C10orf95: variants seen among roughly 807,000 people sequenced by gnomAD.
The protein encoded by C10orf95 is uncharacterized protein C10orf95.
For synonymous variants in C10orf95, 188 were observed against 160.4 expected (o/e 1.17, Z -1.30); for missense variants, 412 against 327.4 (o/e 1.26, Z -1.99).
chr10:102,450,966 C>G lies in C10orf95; in HGVS notation c.128G>C (p.Arg43Pro). ...PPVQAHSFRS[R>P]PGSLHAGEWA... ...CTCGCCCGCATGCAGGCTCCCGGGC[C>G]GGCTGCGGAAGCTGTGGGCCTGGAC... Residue 43 changes from arginine (R) to proline (P), a missense_variant, in exon 2 of 2, where the codon CGG (arginine) becomes CCG (proline). Transcript: ENST00000625129. 3.1e-6 allele frequency: 4 copies of G among 1,289,008 alleles called. No individual in the cohort carries two copies. Among genetic ancestry groups the G allele is most frequent in the Non-Finnish European group, 3.9e-6 (4 of 1,017,744 alleles). 79.8% of individuals were successfully genotyped at this position (1,289,008 alleles called of 1,614,324 possible). A position where few individuals can be genotyped will look rare whatever the true frequency, so the allele number is the denominator to read the frequency against.
At position 102,451,521 on chromosome 10, in the gene C10orf95, C is replaced by T. The variant is rs755713539; in HGVS notation, c.-190G>A. 7.5e-5 allele frequency: 101 copies of T among 1,341,678 alleles called. No homozygotes were observed. Among genetic ancestry groups the T allele is most frequent in the Non-Finnish European group, 8.9e-5 (90 of 1,015,848 alleles). 83.1% of individuals were successfully genotyped at this position (1,341,678 alleles called of 1,614,324 possible). On this transcript the variant is annotated 5_prime_UTR_variant, in exon 1 of 2. Coordinates refer to ENST00000625129, the MANE Select transcript of C10orf95 (RefSeq NM_001363580.1). ...ACCAGGCAAAAGGAAACACCTTGAG[C>T]TGGCCAGGAGCTACCAGCGTCTGTC...
At position 102,450,423 on chromosome 10, in the gene C10orf95, C is replaced by T. The variant is rs1289324527; in HGVS notation, c.*29G>A. ...CAGGAAAGAGCCAAGCGCGTGCACG[C>T]GGGCCCGCCCCTAGGCCTTGCGGCG... On this transcript the variant is annotated 3_prime_UTR_variant, in exon 2 of 2. Transcript: ENST00000625129. 3 of 1,527,544 alleles carry T rather than the reference C, an allele frequency of 2.0e-6. No homozygotes were observed. Among genetic ancestry groups the T allele is most frequent in the Non-Finnish European group, 2.6e-6 (3 of 1,141,126 alleles). The allele number at this position is 1,527,544 out of a possible 1,614,324, so 94.6% of individuals were successfully genotyped here.
chr10:102,450,204 G>A lies in C10orf95; in HGVS notation c.*248C>T, dbSNP rs904713287. 4 of 640,354 alleles carry A rather than the reference G, an allele frequency of 6.2e-6. No individual in the cohort carries two copies. 39.7% of individuals were successfully genotyped at this position (640,354 alleles called of 1,614,324 possible). ...TTCCCAAGGTGCAAGAAGAAAAGAGGTACAGAACACCCAGAGGTGCCCTCG... is the reference window on the plus strand; with the variant it reads ...TTCCCAAGGTGCAAGAAGAAAAGAGATACAGAACACCCAGAGGTGCCCTCG... On this transcript the variant is annotated 3_prime_UTR_variant, in exon 2 of 2. Transcript: ENST00000625129.
Position 102,450,741 on chromosome 10 carries a change from A to C in C10orf95, c.353T>G (p.Leu118Arg). The change falls in exon 2 of 2, where the codon CTG (leucine) becomes CGG (arginine). Residue 118 changes from leucine (L) to arginine (R), a missense_variant. Transcript: ENST00000625129. ...SWAPWPEGGS[L>R]QTELRWGRVE... is the part of the protein sequence containing the mutation. Reference sequence around the variant, plus strand: ...GCGGCCCCAGCGCAGCTCGGTTTGCAGGCTCCCGCCCTCCGGCCACGGCGC... The same window carrying C: ...GCGGCCCCAGCGCAGCTCGGTTTGCCGGCTCCCGCCCTCCGGCCACGGCGC... 2 of 1,317,402 alleles carry C rather than the reference A, an allele frequency of 1.5e-6. No homozygotes were observed. The highest frequency in any genetic ancestry group is 1.9e-6 in the Non-Finnish European group (2 of 1,028,952). 81.6% of individuals were successfully genotyped at this position (1,317,402 alleles called of 1,614,324 possible).
chr10:102,450,986 C>G lies in C10orf95; in HGVS notation c.108G>C (p.Gln36His), dbSNP rs189174307. Residue 36 changes from glutamine to histidine, a missense_variant, in exon 2 of 2, where the codon CAG (glutamine) becomes CAC (histidine). Transcript: ENST00000625129. ...LAAPLLLPPV[Q>H]AHSFRSRPGS... ...CGGGCCGGCTGCGGAAGCTGTGGGC[C>G]TGGACTGGGGGTAGCAGCAGAGGGG... 2.3e-6 allele frequency: 3 copies of G among 1,305,714 alleles called. No individual in the cohort carries two copies. The highest frequency in any genetic ancestry group is 2.9e-6 in the Non-Finnish European group (3 of 1,025,800). The allele number at this position is 1,305,714 out of a possible 1,614,324, so 80.9% of individuals were successfully genotyped here.
rs1437269930 is a variant in C10orf95 at position 102,450,507 on chromosome 10, G to C, written c.587C>G (p.Pro196Arg). 1.4e-6 allele frequency: 2 copies of C among 1,421,784 alleles called. No homozygotes were observed. Among genetic ancestry groups the C allele is most frequent in the Non-Finnish European group, 1.8e-6 (2 of 1,095,504 alleles). The allele number at this position is 1,421,784 out of a possible 1,614,324, so 88.1% of individuals were successfully genotyped here. Residue 196 changes from proline to arginine, a missense_variant, in exon 2 of 2, where the codon CCA becomes CGA. By Grantham distance (103) the Pro-to-Arg change is moderately radical (BLOSUM62 -2). Transcript: ENST00000625129. Reference sequence around the variant, plus strand: ...GCCGCGCTCCGCGGCTTCCCGGGCTGGGCTGCTGTCGCCGCTGTCGGGCCG... The same window carrying C: ...GCCGCGCTCCGCGGCTTCCCGGGCTCGGCTGCTGTCGCCGCTGTCGGGCCG... ...RRRPDSGDSS[P>R]AREAAERGRP...
intron 1 of C10orf95, 67 bp from the exon 2 acceptor site, chr10:102,451,214 T>C: frequency 6.9e-7 from 1 of 1,448,338 alleles, no homozygotes; most frequent in Admixed American, 2.6e-5. Context: ...TGTGGGCCGG[T>C]TCCCCGGGAC....
chr10:102,451,043 C>G lies in C10orf95; in HGVS notation c.51G>C (p.Pro17=), dbSNP rs760627889. ...GGTAGGTGCAGGTGAGCAGCTGCGGCGGCGGCGGCCAGACGCCCTGTTTGG... is the reference window on the plus strand; with the variant it reads ...GGTAGGTGCAGGTGAGCAGCTGCGGGGGCGGCGGCCAGACGCCCTGTTTGG... ...PPPKQGVWPP[P]PQLLTCTYLA... The change falls in exon 2 of 2, where the codon CCG becomes CCC. Residue 17 remains proline, a synonymous_variant. Transcript: ENST00000625129. The G allele has an allele frequency of 2.9e-6, 4 of 1,358,498 alleles. No individual in the cohort carries two copies. The highest frequency in any genetic ancestry group is 2.7e-5 in the East Asian group (1 of 36,912). The allele number at this position is 1,358,498 out of a possible 1,614,324, so 84.2% of individuals were successfully genotyped here.
Position 102,450,377 on chromosome 10 carries a change from G to A in C10orf95, c.*75C>T. 2 of 1,455,228 alleles carry A rather than the reference G, an allele frequency of 1.4e-6. No homozygotes were observed. The highest frequency in any genetic ancestry group is 1.9e-6 in the Non-Finnish European group (2 of 1,077,150). The allele number at this position is 1,455,228 out of a possible 1,614,324, so 90.1% of individuals were successfully genotyped here. On this transcript the variant is annotated 3_prime_UTR_variant, in exon 2 of 2. Coordinates refer to ENST00000625129, the MANE Select transcript of C10orf95 (RefSeq NM_001363580.1). Reference sequence around the variant, plus strand: ...CGCGCACAGGTGAGGGCTCACTTCTGCCTGTCGGCGGCGGCACACACAGGA... The same window carrying A: ...CGCGCACAGGTGAGGGCTCACTTCTACCTGTCGGCGGCGGCACACACAGGA...
Position 102,450,238 on chromosome 10 carries a change from T to C in C10orf95, c.*214A>G. 1.5e-6 allele frequency: 1 copy of C among 688,798 alleles called. No individual in the cohort carries two copies. Among genetic ancestry groups the C allele is most frequent in the Non-Finnish European group, 2.6e-6 (1 of 379,350 alleles). 42.7% of individuals were successfully genotyped at this position (688,798 alleles called of 1,614,324 possible). A position where few individuals can be genotyped will look rare whatever the true frequency, so the allele number is the denominator to read the frequency against. ...ACCCAGAGGTGCCCTCGATTCCGTC[T>C]TGCACTTGCCCTTCTCCCACCGTCC... On this transcript the variant is annotated 3_prime_UTR_variant, in exon 2 of 2. Coordinates refer to ENST00000625129, the MANE Select transcript of C10orf95 (RefSeq NM_001363580.1).
chr10:102,450,494 G>C lies in C10orf95; in HGVS notation c.600C>G (p.Ala200=), dbSNP rs2061684451. ...TCTTCCTGGGGCGGCCGCGCTCCGCGGCTTCCCGGGCTGGGCTGCTGTCGC... is the reference window on the plus strand; with the variant it reads ...TCTTCCTGGGGCGGCCGCGCTCCGCCGCTTCCCGGGCTGGGCTGCTGTCGC... The part of the protein sequence containing the change: ...DSGDSSPARE[A]AERGRPRKSK... The change falls in exon 2 of 2, where the codon GCC becomes GCG. Residue 200 remains alanine, a synonymous_variant. Coordinates refer to ENST00000625129, the MANE Select transcript of C10orf95 (RefSeq NM_001363580.1). The C allele has an allele frequency of 1.4e-6, 2 of 1,445,696 alleles. No homozygotes were observed. The highest frequency in any genetic ancestry group is 1.8e-6 in the Non-Finnish European group (2 of 1,106,252). The allele number at this position is 1,445,696 out of a possible 1,614,324, so 89.6% of individuals were successfully genotyped here.
Position 102,450,765 on chromosome 10 carries a change from G to T in C10orf95, c.329C>A (p.Ala110Glu). ...CAGGCTCCCGCCCTCCGGCCACGGC[G>T]CCCAGCTCTCGGCCACCGCCGCGGG... ...QAPAAVAESW[A>E]PWPEGGSLQT... The change falls in exon 2 of 2, where the codon GCG becomes GAG. Residue 110 changes from alanine (A) to glutamate (E), a missense_variant. Coordinates refer to ENST00000625129, the MANE Select transcript of C10orf95 (RefSeq NM_001363580.1). The T allele has an allele frequency of 7.7e-7, 1 of 1,304,260 alleles. No individual in the cohort carries two copies. 80.8% of individuals were successfully genotyped at this position (1,304,260 alleles called of 1,614,324 possible).
chr10:102,450,215 C>A lies in C10orf95; in HGVS notation c.*237G>T. 1.5e-6 allele frequency: 1 copy of A among 661,120 alleles called. No homozygotes were observed. The highest frequency in any genetic ancestry group is 2.8e-6 in the Non-Finnish European group (1 of 358,744). 41.0% of individuals were successfully genotyped at this position (661,120 alleles called of 1,614,324 possible). A position where few individuals can be genotyped will look rare whatever the true frequency, so the allele number is the denominator to read the frequency against. On this transcript the variant is annotated 3_prime_UTR_variant, in exon 2 of 2. Transcript: ENST00000625129. Reference sequence around the variant, plus strand: ...CAAGAAGAAAAGAGGTACAGAACACCCAGAGGTGCCCTCGATTCCGTCTTG... The same window carrying A: ...CAAGAAGAAAAGAGGTACAGAACACACAGAGGTGCCCTCGATTCCGTCTTG...
At position 102,450,798 on chromosome 10, in the gene C10orf95, A is replaced by G; in HGVS notation, c.296T>C (p.Leu99Pro). 2.4e-6 allele frequency: 3 copies of G among 1,268,092 alleles called. No individual in the cohort carries two copies. Among genetic ancestry groups the G allele is most frequent in the Non-Finnish European group, 3.0e-6 (3 of 1,011,628 alleles). 78.6% of individuals were successfully genotyped at this position (1,268,092 alleles called of 1,614,324 possible). The change falls in exon 2 of 2, where the codon CTG becomes CCG. Residue 99 changes from leucine (L) to proline (P), a missense_variant. Coordinates refer to ENST00000625129, the MANE Select transcript of C10orf95 (RefSeq NM_001363580.1). ...CAAAGISGLS[L>P]QAPAAVAESW... ...CTCGGCCACCGCCGCGGGCGCCTGC[A>G]GCGACAGTCCCGAGATGCCGGCGGC...
Position 102,450,619 on chromosome 10 carries a change from C to G in C10orf95, c.475G>C (p.Val159Leu). ...YGTYPRADVR[V>L]TQRRGQFLLQ... The stretch of plus-strand genomic sequence containing the variant: ...AGGAACTGGCCGCGGCGCTGGGTGA[C>G]GCGCACGTCGGCGCGGGGGTAGGTG... Residue 159 changes from valine (V) to leucine (L), a missense_variant, in exon 2 of 2, where the codon GTC (valine) becomes CTC (leucine). Val to Leu is a conservative substitution (Grantham distance 32). Coordinates refer to ENST00000625129, the MANE Select transcript of C10orf95 (RefSeq NM_001363580.1). 8.1e-7 allele frequency: 1 copy of G among 1,239,410 alleles called. No homozygotes were observed. The highest frequency in any genetic ancestry group is 1.0e-6 in the Non-Finnish European group (1 of 993,770). The allele number at this position is 1,239,410 out of a possible 1,614,324, so 76.8% of individuals were successfully genotyped here.
rs2061686674 is a variant in C10orf95 at position 102,450,707 on chromosome 10, G to A, written c.387C>T (p.Arg129=). The A allele has an allele frequency of 7.9e-7, 1 of 1,260,220 alleles. No homozygotes were observed. Among genetic ancestry groups the A allele is most frequent in the South Asian group, 2.6e-5 (1 of 39,134 alleles). 78.1% of individuals were successfully genotyped at this position (1,260,220 alleles called of 1,614,324 possible). ...QTELRWGRVE[R]ARGPPLQLPD... is the part of the protein sequence containing the mutation. Reference sequence around the variant, plus strand: ...GTAGCTGCAGAGGGGGGCCCCGCGCGCGCTCCACGCGGCCCCAGCGCAGCT... The same window carrying A: ...GTAGCTGCAGAGGGGGGCCCCGCGCACGCTCCACGCGGCCCCAGCGCAGCT... The change falls in exon 2 of 2, where the codon CGC becomes CGT. Residue 129 remains arginine (R), a synonymous_variant. Coordinates refer to ENST00000625129, the MANE Select transcript of C10orf95 (RefSeq NM_001363580.1).
Position 102,450,885 on chromosome 10 carries a change from G to T in C10orf95, c.209C>A (p.Ala70Asp). 1.6e-6 allele frequency: 2 copies of T among 1,234,150 alleles called. No individual in the cohort carries two copies. The highest frequency in any genetic ancestry group is 2.0e-6 in the Non-Finnish European group (2 of 989,498). 76.4% of individuals were successfully genotyped at this position (1,234,150 alleles called of 1,614,324 possible). Residue 70 changes from alanine to aspartate, a missense_variant, in exon 2 of 2, where the codon GCC becomes GAC. Ala to Asp is a moderately radical substitution (Grantham distance 126). Coordinates refer to ENST00000625129, the MANE Select transcript of C10orf95 (RefSeq NM_001363580.1). ...RFYGPAAPPE[A>D]APPWWACPPA... Reference sequence around the variant, plus strand: ...AGGGCAGGCCCACCAGGGCGGCGCGGCCTCGGGTGGCGCGGCGGGGCCGTA... The same window carrying T: ...AGGGCAGGCCCACCAGGGCGGCGCGTCCTCGGGTGGCGCGGCGGGGCCGTA...
At position 102,450,962 on chromosome 10, in the gene C10orf95, G is replaced by T. The variant is rs528942640; in HGVS notation, c.132C>A (p.Pro44=). Residue 44 remains proline, a synonymous_variant, in exon 2 of 2, where the codon CCC becomes CCA. Coordinates refer to ENST00000625129, the MANE Select transcript of C10orf95 (RefSeq NM_001363580.1). The part of the protein sequence containing the change: ...PVQAHSFRSR[P]GSLHAGEWAA... Reference sequence around the variant, plus strand: ...CCCACTCGCCCGCATGCAGGCTCCCGGGCCGGCTGCGGAAGCTGTGGGCCT... The same window carrying T: ...CCCACTCGCCCGCATGCAGGCTCCCTGGCCGGCTGCGGAAGCTGTGGGCCT... The T allele has an allele frequency of 7.0e-6, 9 of 1,285,222 alleles. No individual in the cohort carries two copies. The African/African-American group carries it at 1.4e-4, about 19-fold the overall frequency. 79.6% of individuals were successfully genotyped at this position (1,285,222 alleles called of 1,614,324 possible).
At position 102,450,052 on chromosome 10, in the gene C10orf95, C is replaced by T. The variant is rs1370031881; in HGVS notation, c.*400G>A. 8.2e-6 allele frequency: 2 copies of T among 244,520 alleles called. No homozygotes were observed. 15.1% of individuals were successfully genotyped at this position (244,520 alleles called of 1,614,324 possible). ...GGGAGCGGTGGGAAAGGGGGGTGGG[C>T]GACGACTCTGATAGAGGGAAAAGAG... On this transcript the variant is annotated 3_prime_UTR_variant, in exon 2 of 2. Coordinates refer to ENST00000625129, the MANE Select transcript of C10orf95 (RefSeq NM_001363580.1).
Sources: gnomAD v4.1 joint callset for allele counts on GRCh38, gnomAD v4.1.1 for gene constraint, MANE v1.5 for transcripts, NCBI Gene and HGNC (gene_info 2026-07-23, HGNC 2026-07-21) for gene names.